The following AKT3 variants were observed in gnomAD, a reference collection of about 807,000 sequenced individuals.
The protein encoded by AKT3 is RAC-gamma serine/threonine-protein kinase.
AKT3 carries 15 observed loss-of-function variants against 65.3 expected under a neutral mutation model. The ratio of observed to expected loss-of-function variants is 0.23; its 90% CI spans 0.15 to 0.35. The LOEUF (loss-of-function observed/expected upper bound fraction) is 0.35, where lower values mean the gene tolerates loss of function less well. Among genes scored for constraint, AKT3 ranks in the 10% least tolerant of loss-of-function variants. The pLI, the probability that AKT3 is intolerant of heterozygous loss-of-function variation, is 1.00. For synonymous variants in AKT3, 206 were observed against 183.8 expected (o/e 1.12, Z -0.98); for missense variants, 243 against 576.5 (o/e 0.42, Z 5.92).
At chr1:243,818,374 A>C (rs1239399799) in intron 2 of AKT3, among the ~76,000 whole-genome samples, 1 of 152,186 alleles carries the variant, frequency 6.6e-6, no homozygotes, top group African/African-American at 2.4e-5. Context: ...TCTAGACTCC[A>C]TGAGGGCAAG....
chr1:243,737,485 C>T (rs1205125469), intron 2 of AKT3, among the ~76,000 whole-genome samples: 3 of 151,806 alleles, frequency 2.0e-5, no homozygotes, highest in Non-Finnish European at 4.4e-5. Flanking sequence ...GTGGGTTCTA[C>T]AATGTTTTGC....
chr1:243,725,637 A>G (rs866995081), intron 2 of AKT3, among the ~76,000 whole-genome samples: 37 of 152,316 alleles, frequency 2.4e-4, no homozygotes, highest in African/African-American at 8.7e-4. Flanking sequence ...ACAACTAAAT[A>G]AGATAAAATA....
intron 10 of AKT3, among the ~76,000 whole-genome samples, chr1:243,563,270 C>T (rs1673920946): frequency 6.6e-6 from 1 of 152,070 alleles, no homozygotes; most frequent in African/African-American, 2.4e-5. Context: ...ACATAAATTC[C>T]AAAATGTAGC....
chr1:243,741,562 C>G (rs1324431889), intron 2 of AKT3, among the ~76,000 whole-genome samples: 4 of 152,136 alleles, frequency 2.6e-5, no homozygotes, highest in African/African-American at 4.8e-5. Context: ...CTTATATAAG[C>G]TATTTTAATT....
At chr1:243,682,306 G>A (rs1466247633) in intron 3 of AKT3, among the ~76,000 whole-genome samples, 3 of 151,666 alleles carry the variant, frequency 2.0e-5, no homozygotes, top group African/African-American at 7.3e-5. Context: ...CATACAAGAA[G>A]GCAAATTTTT....
chr1:243,502,613 T>G lies in AKT3; in HGVS notation c.*2636A>C, dbSNP rs2148339882. On this transcript the variant is annotated 3_prime_UTR_variant, in exon 14 of 14. Coordinates refer to ENST00000673466, the MANE Select transcript of AKT3 (RefSeq NM_005465.7). ...ACAAGGGAAGTTTTAGAAATCTCCC[T>G]CTACACGCATTTCTGGTTTTCTATT... 1 of 233,288 alleles carries G rather than the reference T, an allele frequency of 4.3e-6. No individual in the cohort carries two copies. The highest frequency in any genetic ancestry group is 1.8e-4 in the South Asian group (1 of 5,532). The allele number at this position is 233,288 out of a possible 1,614,324, so 14.5% of individuals were successfully genotyped here.
At position 243,693,245 on chromosome 1, in the gene AKT3, T is replaced by TAC. The variant is rs1684827173; in HGVS notation, c.172+2345_172+2346insGT. On this transcript the variant is annotated intron_variant, in intron 3 of 13. Transcript: ENST00000673466. The stretch of plus-strand genomic sequence containing the variant: ...TATCCCTTTGGTAGCTACAATTTGA[T>TAC]ATATATATATATATATATATATATA... Among the ~76,000 whole-genome samples, 3 of 17,446 alleles carry TAC rather than the reference T, an allele frequency of 1.7e-4. 1 individual carries two copies. The highest frequency in any genetic ancestry group is 3.5e-4 in the Non-Finnish European group (3 of 8,608). 11.4% of individuals were successfully genotyped at this position (17,446 alleles called of 152,430 possible). A position where few individuals can be genotyped will look rare whatever the true frequency, so the allele number is the denominator to read the frequency against.
intron 8 of AKT3, among the ~76,000 whole-genome samples, chr1:243,589,319 A>G (rs1231394477): frequency 6.7e-6 from 1 of 149,314 alleles, no homozygotes; most frequent in Non-Finnish European, 1.5e-5. Flanking sequence ...AAAAAAAAAA[A>G]AAAAAGAAAA....
intron 9 of AKT3, among the ~76,000 whole-genome samples, chr1:243,571,365 T>C (rs1363452431): frequency 1.3e-5 from 2 of 152,160 alleles, no homozygotes; most frequent in Non-Finnish European, 2.9e-5. Flanking sequence ...TGATGAGAAA[T>C]GATTAAAGAA....
chr1:243,638,743 A>G (rs928106096), intron 5 of AKT3, among the ~76,000 whole-genome samples: 2 of 152,042 alleles, frequency 1.3e-5, no homozygotes, highest in Non-Finnish European at 2.9e-5. Flanking sequence ...GCCTTTTATA[A>G]CTTTTTTTTT....
intron 2 of AKT3, among the ~76,000 whole-genome samples, chr1:243,712,641 T>C (rs538352411): frequency 6.6e-6 from 1 of 152,278 alleles, no homozygotes; most frequent in African/African-American, 2.4e-5. Flanking sequence ...AGTTATTCCA[T>C]TCATATTGAT....
intron 2 of AKT3, among the ~76,000 whole-genome samples, chr1:243,837,116 C>T (rs926925349): frequency 8.6e-5 from 13 of 151,676 alleles, no homozygotes; most frequent in African/African-American, 3.1e-4. Context: ...GTGCCCAGGA[C>T]GTCAAGGTCA....
chr1:243,696,859 CTT>C (rs1290445692), intron 2 of AKT3, among the ~76,000 whole-genome samples: 1 of 151,998 alleles, frequency 6.6e-6, no homozygotes, highest in African/African-American at 2.4e-5. Flanking sequence ...CCAGATTAAT[CTT>C]GTGTGTACCA....
chr1:243,491,405 G>A (rs941344648), intron 13 of AKT3, among the ~76,000 whole-genome samples: 3 of 152,152 alleles, frequency 2.0e-5, no homozygotes, highest in Admixed American at 1.3e-4. Context: ...TCTCTAAAGC[G>A]GCCTTTCAGA....
At chr1:243,492,715 C>G (rs1387214998) in intron 13 of AKT3, among the ~76,000 whole-genome samples, 3 of 144,262 alleles carry the variant, frequency 2.1e-5, no homozygotes, top group African/African-American at 7.8e-5. Context: ...TCAAGCAATT[C>G]TCCTGCCTCA....
intron 2 of AKT3, chr1:243,702,729 T>C (rs1019897664): frequency 6.6e-6 from 1 of 152,148 alleles, no homozygotes; most frequent in African/African-American, 2.4e-5. Context: ...ATGTATTTTA[T>C]GTAAGGAAAT....
chr1:243,729,180 A>G (rs1286519647), intron 2 of AKT3, among the ~76,000 whole-genome samples: 1 of 152,214 alleles, frequency 6.6e-6, no homozygotes, highest in Non-Finnish European at 1.5e-5. Flanking sequence ...GTGTGGACAA[A>G]CCATGCAATA....
At chr1:243,492,004 C>A (rs1029906273) in intron 13 of AKT3, among the ~76,000 whole-genome samples, 2 of 152,194 alleles carry the variant, frequency 1.3e-5, no homozygotes, top group Non-Finnish European at 2.9e-5. Flanking sequence ...CCCTTTCCTT[C>A]CCTCCCTGTC....
rs190264973 is a variant in AKT3, at chr1:243,798,063, T to C, written c.46+45062A>G. Among the ~76,000 whole-genome samples, 27 of 151,558 alleles carry C rather than the reference T, an allele frequency of 1.8e-4. 2 individuals carry two copies. The East Asian group carries it at 4.7e-3, about 26-fold the overall frequency. ...ACACCCGTCTAATTTTCTGTATTTTTAGTAGAGACGGGGTTTCACCATGTT... is the reference window on the plus strand; with the variant it reads ...ACACCCGTCTAATTTTCTGTATTTTCAGTAGAGACGGGGTTTCACCATGTT... On this transcript the variant is annotated intron_variant, in intron 2 of 13. Transcript: ENST00000673466.
Sources: allele counts gnomAD v4.1 joint callset (sites outside exome capture counted in the v4.1 genomes callset), GRCh38; gene constraint gnomAD v4.1.1; transcripts MANE v1.5; gene names NCBI Gene and HGNC (gene_info 2026-07-23, HGNC 2026-07-21).